SCAI: variants seen among roughly 807,000 people sequenced by gnomAD.
The protein encoded by SCAI is protein SCAI.
A neutral mutation model predicts 92.2 loss-of-function variants in SCAI; 24 were observed. The observed-to-expected ratio is 0.26, with a 90% CI of 0.19 to 0.37. SCAI has a LOEUF of 0.37. SCAI is among the 10% of genes least tolerant of loss of function. The probability of loss-of-function intolerance (pLI) is 1.00; values close to 1 mark genes in which losing one functional copy is unlikely to be tolerated. For missense variants in SCAI, 450 were observed against 736.2 expected (o/e 0.61, Z 4.50); for synonymous variants, 261 against 258.6 (o/e 1.01, Z -0.09).
chr9:124,987,767 G>C (rs1290220444), intron 14 of SCAI, among the ~76,000 whole-genome samples: 2 of 152,094 alleles, frequency 1.3e-5, no homozygotes, highest in South Asian at 4.1e-4. Flanking sequence ...TTTGAGACCA[G>C]CCTGGCCAAC....
At chr9:124,989,272 T>C (rs1443643232) in intron 14 of SCAI, among the ~76,000 whole-genome samples, 2 of 152,194 alleles carry the variant, frequency 1.3e-5, no homozygotes, top group Non-Finnish European at 2.9e-5. Context: ...AGAATTAGAA[T>C]GCTTCATGCT....
chr9:124,962,150 CTT>C (rs752939056), intron 17 of SCAI, among the ~76,000 whole-genome samples: 1,691 of 63,386 alleles, frequency 0.027, 10 homozygotes, highest in Middle Eastern at 0.031. Context: ...TAATATATGT[CTT>C]TTTTTTTTTT....
chr9:124,994,017 A>T (rs1382306468), intron 14 of SCAI, among the ~76,000 whole-genome samples: 2 of 151,380 alleles, frequency 1.3e-5, no homozygotes, highest in African/African-American at 2.4e-5. Context: ...TCCACCTTTA[A>T]AGTGTTTCAC....
chr9:125,128,983 A>T, intron 2 of SCAI, among the ~76,000 whole-genome samples: 1 of 152,046 alleles, frequency 6.6e-6, no homozygotes, highest in East Asian at 1.9e-4. Flanking sequence ...GAATCGCTTG[A>T]ATCCAGGAGG....
intron 9 of SCAI, 95 bp from the exon 10 acceptor site, chr9:125,003,665 T>C (rs1474723383): frequency 1.3e-6 from 1 of 756,926 alleles, no homozygotes; most frequent in African/African-American, 1.8e-5. Context: ...CTTTCACATG[T>C]ACTTCAGGGC....
intron 2 of SCAI, among the ~76,000 whole-genome samples, chr9:125,128,634 T>C (rs10819036): frequency 0.23 from 35,591 of 151,836 alleles, 4,682 homozygotes; most frequent in Non-Finnish European, 0.3. Flanking sequence ...GTGCCTGTGG[T>C]CCCAGCTGCT....
intron 9 of SCAI, among the ~76,000 whole-genome samples, chr9:125,018,287 G>A (rs1440954834): frequency 2.0e-5 from 3 of 151,714 alleles, no homozygotes; most frequent in African/African-American, 7.3e-5. Flanking sequence ...GTAGAGATGG[G>A]GCTTCGTCAT....
intron 3 of SCAI, among the ~76,000 whole-genome samples, chr9:125,045,503 C>T (rs1044075296): frequency 3.3e-5 from 5 of 152,124 alleles, no homozygotes; most frequent in Non-Finnish European, 7.4e-5. Flanking sequence ...CCACACCCAG[C>T]TATATTTTTT....
At chr9:125,123,256 G>A (rs1047198830) in intron 2 of SCAI, among the ~76,000 whole-genome samples, 1 of 147,964 alleles carries the variant, frequency 6.8e-6, no homozygotes. Context: ...CCAGCAACTC[G>A]GGAGGCTGAG....
rs1375842382 is a variant in SCAI at position 124,995,063 on chromosome 9, C to T, written c.1245-48G>A. ...CTGTTAAACTGTGTCAGCCACATCTCAGAAATCTTATTCTTCAGTTTGGTC... is the reference window on the plus strand; with the variant it reads ...CTGTTAAACTGTGTCAGCCACATCTTAGAAATCTTATTCTTCAGTTTGGTC... On this transcript the variant is annotated intron_variant, in intron 13 of 17. Coordinates refer to ENST00000336505, the MANE Select transcript of SCAI (RefSeq NM_001144877.3). 4 of 1,393,896 alleles carry T rather than the reference C, an allele frequency of 2.9e-6. No individual in the cohort carries two copies. The East Asian group carries it at 9.4e-5, about 33-fold the overall frequency. The allele number at this position is 1,393,896 out of a possible 1,614,324, so 86.3% of individuals were successfully genotyped here. A position where few individuals can be genotyped will look rare whatever the true frequency, so the allele number is the denominator to read the frequency against.
chr9:125,124,625 G>A (rs542691632), intron 2 of SCAI, among the ~76,000 whole-genome samples: 1 of 152,140 alleles, frequency 6.6e-6, no homozygotes, highest in Non-Finnish European at 1.5e-5. Context: ...ACCCAGACTC[G>A]GAAGGGTATC....
At chr9:125,129,269 C>T (rs966095963) in intron 2 of SCAI, among the ~76,000 whole-genome samples, 2 of 150,598 alleles carry the variant, frequency 1.3e-5, no homozygotes, top group African/African-American at 4.9e-5. Flanking sequence ...GGTGAAACCC[C>T]GTCTCTACTA....
intron 3 of SCAI, among the ~76,000 whole-genome samples, chr9:125,053,111 G>A (rs1297319001): frequency 6.6e-6 from 1 of 152,128 alleles, no homozygotes; most frequent in Non-Finnish European, 1.5e-5. Context: ...GAAGCAGGTG[G>A]ATCACCTGAG....
At chr9:125,071,001 G>C (rs1038058477) in intron 2 of SCAI, among the ~76,000 whole-genome samples, 1 of 152,160 alleles carries the variant, frequency 6.6e-6, no homozygotes, top group Admixed American at 6.5e-5. Context: ...AGTCTCACAA[G>C]ATCTGATGGT....
intron 14 of SCAI, among the ~76,000 whole-genome samples, chr9:124,993,362 G>A (rs1393605516): frequency 1.3e-5 from 2 of 152,246 alleles, no homozygotes; most frequent in African/African-American, 4.8e-5. Flanking sequence ...GCCAAGGCGG[G>A]TGGATCATCT....
chr9:125,102,523 C>T (rs1834697712), intron 2 of SCAI, among the ~76,000 whole-genome samples: 1 of 152,182 alleles, frequency 6.6e-6, no homozygotes, highest in South Asian at 2.1e-4. Context: ...CAGCTACTCC[C>T]TGCCCAGTAA....
At chr9:125,096,107 T>C (rs1454248215) in intron 2 of SCAI, among the ~76,000 whole-genome samples, 1 of 152,176 alleles carries the variant, frequency 6.6e-6, no homozygotes, top group African/African-American at 2.4e-5. Context: ...TTTCACACTG[T>C]TGATAAAGAC....
Position 124,952,571 on chromosome 9 carries a change from C to T in SCAI, c.*236G>A. ...TTAGAAGTTGGAGGTAAATATCCAT[C>T]CCTCAAAATCAAAAAATAAAAATTC... On this transcript the variant is annotated 3_prime_UTR_variant, in exon 18 of 18. Coordinates refer to ENST00000336505, the MANE Select transcript of SCAI (RefSeq NM_001144877.3). The T allele has an allele frequency of 2.6e-6, 1 of 379,718 alleles. No individual in the cohort carries two copies. Among genetic ancestry groups the T allele is most frequent in the South Asian group, 4.9e-5 (1 of 20,282 alleles). 23.5% of individuals were successfully genotyped at this position (379,718 alleles called of 1,614,324 possible). A position where few individuals can be genotyped will look rare whatever the true frequency, so the allele number is the denominator to read the frequency against.
chr9:125,096,386 A>G (rs1834553678), intron 2 of SCAI, among the ~76,000 whole-genome samples: 2 of 152,276 alleles, frequency 1.3e-5, no homozygotes, highest in South Asian at 4.2e-4. Context: ...TCAAGATGAG[A>G]TTTGGGTGGG....
Sources: allele counts gnomAD v4.1 joint callset (sites outside exome capture counted in the v4.1 genomes callset), GRCh38; gene constraint gnomAD v4.1.1; transcripts MANE v1.5; gene names NCBI Gene and HGNC (gene_info 2026-07-23, HGNC 2026-07-21).